The following SLC6A18 variants were observed in gnomAD, a reference collection of about 807,000 sequenced individuals.
SLC6A18 encodes solute carrier family 6 member 18.
SLC6A18 carries 58 observed loss-of-function variants against 62.9 expected under a neutral mutation model. The observed-to-expected ratio is 0.92, with a 90% CI of 0.75 to 1.15. The LOEUF is 1.15. Among genes scored for constraint, SLC6A18 ranks in the 50% most tolerant of loss-of-function variants. The pLI, the probability that SLC6A18 is intolerant of heterozygous loss-of-function variation, is 0.00. For synonymous variants in SLC6A18, 382 were observed against 365.8 expected, an observed-to-expected ratio of 1.04 and a Z score of -0.51; for missense variants, 793 against 836.6, an observed-to-expected ratio of 0.95 and a Z score of 0.64.
chr5:1,240,957 C>T (rs112041098), intron 7 of SLC6A18, among the ~76,000 whole-genome samples: 55 of 152,284 alleles, frequency 3.6e-4, no homozygotes, highest in African/African-American at 1.3e-3. Context: ...GAGGAGGAGG[C>T]CACGTGAAGA....
chr5:1,230,049 G>T (rs1242660556), intron 1 of SLC6A18, among the ~76,000 whole-genome samples: 3 of 151,090 alleles, frequency 2.0e-5, no homozygotes, highest in African/African-American at 7.3e-5. Context: ...GGCTGGAGGT[G>T]GGGGAGGGAA....
At chr5:1,239,381 G>C in intron 5 of SLC6A18, 69 bp from the exon 6 acceptor site, 1 of 1,215,640 alleles carries the variant, frequency 8.2e-7, no homozygotes, top group East Asian at 2.3e-5. Flanking sequence ...GGAACGTTCT[G>C]GAACAGTCAG....
chr5:1,237,083 A>C (rs977749881), intron 4 of SLC6A18, among the ~76,000 whole-genome samples: 1 of 151,730 alleles, frequency 6.6e-6, no homozygotes, highest in Non-Finnish European at 1.5e-5. Context: ...AAAATAAAAA[A>C]AAAAAAAAAT....
intron 1 of SLC6A18, among the ~76,000 whole-genome samples, chr5:1,230,340 C>T (rs754967672): frequency 5.9e-5 from 9 of 152,134 alleles, no homozygotes; most frequent in Non-Finnish European, 8.8e-5. Context: ...CCTGGGGTGC[C>T]CTGGGTTTTG....
At chr5:1,227,988 G>A (rs1225306122) in intron 1 of SLC6A18, among the ~76,000 whole-genome samples, 1 of 152,218 alleles carries the variant, frequency 6.6e-6, no homozygotes, top group Non-Finnish European at 1.5e-5. Flanking sequence ...GCTACTTCCT[G>A]CCTCCGGTGT....
chr5:1,246,168 T>C lies in SLC6A18; in HGVS notation c.*90T>C. ...GCCCCGCCCACAGGGCCGACCCCAA[T>C]ACACCAGCGACTCAACCTTGATGCC... On this transcript the variant is annotated 3_prime_UTR_variant, in exon 12 of 12. Transcript: ENST00000324642. 7.0e-7 allele frequency: 1 copy of C among 1,432,788 alleles called. No individual in the cohort carries two copies. Among genetic ancestry groups the C allele is most frequent in the Non-Finnish European group, 9.2e-7 (1 of 1,088,970 alleles). The allele number at this position is 1,432,788 out of a possible 1,614,324, so 88.8% of individuals were successfully genotyped here. A position where few individuals can be genotyped will look rare whatever the true frequency, so the allele number is the denominator to read the frequency against.
rs1747113355 is a variant in SLC6A18 at position 1,243,275 on chromosome 5, T to C, written c.1132-280T>C. Among the ~76,000 whole-genome samples, 1 of 152,128 alleles carries C rather than the reference T, an allele frequency of 6.6e-6. No homozygotes were observed. Among genetic ancestry groups the C allele is most frequent in the Non-Finnish European group, 1.5e-5 (1 of 68,006 alleles). ...AGCCAGGAGGCAGGTGTGGGATGCA[T>C]CTCAGGGTGCCTGACTCTAGGCATA... On this transcript the variant is annotated intron_variant, in intron 8 of 11. Coordinates refer to ENST00000324642, the MANE Select transcript of SLC6A18 (RefSeq NM_182632.3). This position sits in a 1 kb window ranked among gnomAD's most constrained non-coding sequence, Gnocchi z 6.5.
At chr5:1,239,386 A>G in intron 5 of SLC6A18, 64 bp from the exon 6 acceptor site, 1 of 1,252,816 alleles carries the variant, frequency 8.0e-7, no homozygotes, top group African/African-American at 1.5e-5. Context: ...GTTCTGGAAC[A>G]GTCAGGGCCA....
intron 5 of SLC6A18, 78 bp downstream of exon 5, chr5:1,238,138 C>T: frequency 8.5e-7 from 1 of 1,171,066 alleles, no homozygotes; most frequent in Middle Eastern, 2.3e-4. Flanking sequence ...CCCTCCCTCA[C>T]CTGGGAGCGT....
At chr5:1,230,203 G>A (rs1272765793) in intron 1 of SLC6A18, among the ~76,000 whole-genome samples, 8 of 151,536 alleles carry the variant, frequency 5.3e-5, no homozygotes, top group Middle Eastern at 3.4e-3. Context: ...CTGGAGGTGG[G>A]GGAAGAGGGG....
rs1372326777 is a variant in SLC6A18, at chr5:1,238,185, G to C, written c.732+125G>C. On this transcript the variant is annotated intron_variant, in intron 5 of 11. Coordinates refer to ENST00000324642, the MANE Select transcript of SLC6A18 (RefSeq NM_182632.3). ...AGCCACTCCAGCAGCTGGGCTGCCT[G>C]GTGGTCAGGGGTGAGGTTGGCCCAG... 11 of 752,934 alleles carry C rather than the reference G, an allele frequency of 1.5e-5. No homozygotes were observed. In the Admixed American group the frequency reaches 2.5e-4, roughly 17 times the overall value. The allele number at this position is 752,934 out of a possible 1,614,324, so 46.6% of individuals were successfully genotyped here. A position where few individuals can be genotyped will look rare whatever the true frequency, so the allele number is the denominator to read the frequency against.
chr5:1,237,912 G>T, intron 4 of SLC6A18, 38 bp from the exon 5 acceptor site: 2 of 1,510,990 alleles, frequency 1.3e-6, no homozygotes, highest in Non-Finnish European at 1.8e-6. Flanking sequence ...CAGACCAGAG[G>T]CCATTTCAAG....
At position 1,243,412 on chromosome 5, in the gene SLC6A18, T is replaced by C. The variant is rs1747119286; in HGVS notation, c.1132-143T>C. The C allele has an allele frequency of 3.3e-6, 3 of 922,302 alleles. No homozygotes were observed. The highest frequency in any genetic ancestry group is 4.9e-6 in the Non-Finnish European group (3 of 606,642). 57.1% of individuals were successfully genotyped at this position (922,302 alleles called of 1,614,324 possible). A position where few individuals can be genotyped will look rare whatever the true frequency, so the allele number is the denominator to read the frequency against. On this transcript the variant is annotated intron_variant, in intron 8 of 11. Transcript: ENST00000324642. This position sits in a 1 kb window ranked among gnomAD's most constrained non-coding sequence, Gnocchi z 6.5. The stretch of plus-strand genomic sequence containing the variant: ...GTCTCCCAGAAGGCATGGCCAGCCC[T>C]GAGCCACCTCAGCCCGACACCAGGA...
chr5:1,230,367 G>A (rs1316768430), intron 1 of SLC6A18, among the ~76,000 whole-genome samples: 1 of 152,144 alleles, frequency 6.6e-6, no homozygotes, highest in Non-Finnish European at 1.5e-5. Context: ...TTTGCTCCAG[G>A]CCCTGGCCAC....
Position 1,243,448 on chromosome 5 carries a change from G to A in SLC6A18, c.1132-107G>A, listed in dbSNP as rs1747120132. 1 of 1,284,310 alleles carries A rather than the reference G, an allele frequency of 7.8e-7. No individual in the cohort carries two copies. The highest frequency in any genetic ancestry group is 1.5e-5 in the African/African-American group (1 of 68,886). 79.6% of individuals were successfully genotyped at this position (1,284,310 alleles called of 1,614,324 possible). A position where few individuals can be genotyped will look rare whatever the true frequency, so the allele number is the denominator to read the frequency against. On this transcript the variant is annotated intron_variant, in intron 8 of 11. Coordinates refer to ENST00000324642, the MANE Select transcript of SLC6A18 (RefSeq NM_182632.3). The surrounding 1 kb of genome is among the most constrained non-coding windows in gnomAD (Gnocchi z 6.5). ...AGCCCGACACCAGGAGGGGTGATGT[G>A]CACTCGTGTCCTCGGCCTGGGAGAG...
In SLC6A18 at chr5:1,225,411, G is replaced by A. The variant is rs1036079978; in HGVS notation, c.-67G>A. 59 of 1,490,208 alleles carry A rather than the reference G, an allele frequency of 4.0e-5. No homozygotes were observed. Among genetic ancestry groups the A allele is most frequent in the South Asian group, 3.9e-4 (31 of 79,226 alleles). The allele number at this position is 1,490,208 out of a possible 1,614,324, so 92.3% of individuals were successfully genotyped here. ...CCAAACGTCGGCAGAGGCTGGAGAC[G>A]GCTCTCTAGTGCTGGGTGTGGAGTG... On this transcript the variant is annotated 5_prime_UTR_variant, in exon 1 of 12. Coordinates refer to ENST00000324642, the MANE Select transcript of SLC6A18 (RefSeq NM_182632.3).
chr5:1,240,652 C>T lies in SLC6A18; in HGVS notation c.967C>T (p.Leu323=). The T allele has an allele frequency of 6.2e-7, 1 of 1,613,908 alleles. No individual in the cohort carries two copies. The highest frequency in any genetic ancestry group is 2.2e-5 in the East Asian group (1 of 44,874). Residue 323 remains leucine (L), a synonymous_variant, in exon 7 of 12, where the codon CTG becomes TTG. Transcript: ENST00000324642. ...AGCAACTAATGACTACGAGCACTGC[C>T]TGGACAGGTGAGCACAGGTGCCGCG... ...FKATNDYEHC[L]DRNILSLIND...
chr5:1,226,077 C>G (rs2126522222), intron 1 of SLC6A18, among the ~76,000 whole-genome samples: 1 of 152,354 alleles, frequency 6.6e-6, no homozygotes, highest in South Asian at 2.1e-4. Flanking sequence ...GTGCCCTTCT[C>G]CGAGGTTCTT....
Position 1,232,239 on chromosome 5 carries a change from G to A in SLC6A18, c.181G>A (p.Val61Ile), listed in dbSNP as rs747403193. ...YGGGAFLIPY[V>I]IALVFEGIPI... is the part of the protein sequence containing the mutation. ...CACAGGGGCCTTCCTCATCCCCTAC[G>A]TCATCGCGCTGGTCTTCGAGGGGAT... The change falls in exon 2 of 12, where the codon GTC becomes ATC. Residue 61 changes from valine to isoleucine, a missense_variant. Physicochemically the swap from Val to Ile is conservative, Grantham distance 29. Coordinates refer to ENST00000324642, the MANE Select transcript of SLC6A18 (RefSeq NM_182632.3). The A allele has an allele frequency of 8.7e-6, 14 of 1,612,658 alleles. No individual in the cohort carries two copies. Among genetic ancestry groups the A allele is most frequent in the East Asian group, 6.7e-5 (3 of 44,846 alleles).
Sources: allele counts gnomAD v4.1 joint callset (sites outside exome capture counted in the v4.1 genomes callset), GRCh38; gene constraint gnomAD v4.1.1; non-coding constraint Gnocchi (gnomAD v3.1); transcripts MANE v1.5; gene names NCBI Gene and HGNC (gene_info 2026-07-23, HGNC 2026-07-21).